The following RASGRP4 variants were observed in gnomAD, a reference collection of about 807,000 sequenced individuals.
RASGRP4 encodes RAS guanyl-releasing protein 4.
A neutral mutation model predicts 84.4 loss-of-function variants in RASGRP4; 52 were observed. The observed-to-expected ratio is 0.62, with a 90% CI of 0.49 to 0.78. The LOEUF (loss-of-function observed/expected upper bound fraction) is 0.78, where lower values mean the gene tolerates loss of function less well. Among genes scored for constraint, RASGRP4 ranks in the 30% least tolerant of loss-of-function variants. The pLI is 0.00. For missense variants in RASGRP4, 760 were observed against 886.9 expected, an observed-to-expected ratio of 0.86 and a Z score of 1.82; for synonymous variants, 356 against 359.1, an observed-to-expected ratio of 0.99 and a Z score of 0.10.
Position 38,418,581 on chromosome 19 carries a change from T to A in RASGRP4, c.664-17A>T. 1 of 1,495,860 alleles carries A rather than the reference T, an allele frequency of 6.7e-7. No individual in the cohort carries two copies. The highest frequency in any genetic ancestry group is 8.9e-7 in the Non-Finnish European group (1 of 1,120,398). The allele number at this position is 1,495,860 out of a possible 1,614,324, so 92.7% of individuals were successfully genotyped here. A position where few individuals can be genotyped will look rare whatever the true frequency, so the allele number is the denominator to read the frequency against. ...GTCCTGGGGCTGGGAGCGAGGTGGG[T>A]GTCAAGGTGGGCCGTGGCGCTCAGG... On this transcript the variant is annotated splice_polypyrimidine_tract_variant and intron_variant, in intron 6 of 16. Coordinates refer to ENST00000615439, the MANE Select transcript of RASGRP4 (RefSeq NM_170604.3). The surrounding 1 kb of genome is among the most constrained non-coding windows in gnomAD (Gnocchi z 4.6).
At chr19:38,424,412 G>A (rs886680116) in intron 1 of RASGRP4, among the ~76,000 whole-genome samples, 2 of 150,872 alleles carry the variant, frequency 1.3e-5, no homozygotes, top group African/African-American at 2.4e-5. Flanking sequence ...GAGCCATCAC[G>A]CCAGGCTCCC....
intron 1 of RASGRP4, among the ~76,000 whole-genome samples, chr19:38,424,802 T>C (rs1306150554): frequency 1.3e-5 from 2 of 151,930 alleles, no homozygotes; most frequent in Non-Finnish European, 2.9e-5. Flanking sequence ...AGCATTTCCC[T>C]AAGTGTGGGC....
intron 1 of RASGRP4, among the ~76,000 whole-genome samples, chr19:38,424,691 C>T (rs1396634634): frequency 6.6e-6 from 1 of 151,824 alleles, no homozygotes; most frequent in African/African-American, 2.4e-5. Context: ...TCTTATCCTC[C>T]CAAAGTGCTG....
Position 38,413,321 on chromosome 19 carries a change from A to T in RASGRP4, c.1312-24T>A. 1 of 1,606,980 alleles carries T rather than the reference A, an allele frequency of 6.2e-7. No homozygotes were observed. The highest frequency in any genetic ancestry group is 8.5e-7 in the Non-Finnish European group (1 of 1,174,006). Reference sequence around the variant, plus strand: ...GGCTGGGGCGGGGACAGAGGAGCACAGTTAGTCACTGCATAGGCTTAGGGG... The same window carrying T: ...GGCTGGGGCGGGGACAGAGGAGCACTGTTAGTCACTGCATAGGCTTAGGGG... On this transcript the variant is annotated intron_variant, in intron 10 of 16. Transcript: ENST00000615439. The surrounding 1 kb of genome is among the most constrained non-coding windows in gnomAD (Gnocchi z 4.7).
At position 38,410,931 on chromosome 19, in the gene RASGRP4, G is replaced by A. The variant is rs776475711; in HGVS notation, c.1920C>T (p.Ala640=). 7.5e-6 allele frequency: 12 copies of A among 1,605,316 alleles called. No individual in the cohort carries two copies. In the South Asian group the frequency reaches 1.2e-4, roughly 16 times the overall value. The change falls in exon 16 of 17, where the codon GCC becomes GCT. Residue 640 remains alanine (A), a synonymous_variant. Coordinates refer to ENST00000615439, the MANE Select transcript of RASGRP4 (RefSeq NM_170604.3). ...GGTGTGGGGATTCAGTCTGGGTCCA[G>A]GCATGGCGAAGCTGGCACCCAGTCT... ...EPETGCQLRH[A]WTQTESPHPS...
intron 8 of RASGRP4, among the ~76,000 whole-genome samples, chr19:38,415,601 C>T (rs1427293388): frequency 6.6e-6 from 1 of 151,662 alleles, no homozygotes; most frequent in African/African-American, 2.4e-5. Flanking sequence ...TCAAACTCCT[C>T]ACCTCAGGTG....
rs537638920 is a variant in RASGRP4 at position 38,425,196 on chromosome 19, CAA to C, written c.23+871_23+872del. Among the ~76,000 whole-genome samples the C allele has an allele frequency of 6.3e-3, 819 of 130,538 alleles. 10 individuals carry two copies. Among genetic ancestry groups the C allele is most frequent in the African/African-American group, 0.02 (731 of 36,682 alleles). 85.6% of individuals were successfully genotyped at this position (130,538 alleles called of 152,430 possible). A position where few individuals can be genotyped will look rare whatever the true frequency, so the allele number is the denominator to read the frequency against. On this transcript the variant is annotated intron_variant, in intron 1 of 16. Transcript: ENST00000615439. Reference sequence around the variant, plus strand: ...GAGACTCCGTCTCAAAAAAAAAAAACAAAAAAAAAAAAACCAAACACTTTAAA... The same window carrying C: ...GAGACTCCGTCTCAAAAAAAAAAAACAAAAAAAAAAACCAAACACTTTAAA...
chr19:38,423,514 A>T (rs1335849808), intron 1 of RASGRP4, among the ~76,000 whole-genome samples: 1 of 150,538 alleles, frequency 6.6e-6, no homozygotes, highest in African/African-American at 2.5e-5. Context: ...TGACAGAGTG[A>T]TTTCTGTTTC....
intron 8 of RASGRP4, among the ~76,000 whole-genome samples, chr19:38,416,034 G>A (rs1568410822): frequency 6.6e-6 from 1 of 151,612 alleles, no homozygotes; most frequent in Admixed American, 6.6e-5. Flanking sequence ...ACTCCAGCCT[G>A]GGAGATAGAG....
chr19:38,410,660 A>G (rs1039298489), intron 16 of RASGRP4, among the ~76,000 whole-genome samples: 2 of 151,700 alleles, frequency 1.3e-5, no homozygotes, highest in Admixed American at 6.6e-5. Context: ...TGATCCTCCC[A>G]CCTCAGCCTC....
At position 38,409,747 on chromosome 19, in the gene RASGRP4, A is replaced by G. The variant is rs1396665435; in HGVS notation, c.*293T>C. The stretch of plus-strand genomic sequence containing the variant: ...AGCAAGACTCTGTCTCAAAAAAAAA[A>G]AGAAATGGAGATGTAGGGAGTTGGT... On this transcript the variant is annotated 3_prime_UTR_variant, in exon 17 of 17. Coordinates refer to ENST00000615439, the MANE Select transcript of RASGRP4 (RefSeq NM_170604.3). 4.3e-6 allele frequency: 1 copy of G among 231,508 alleles called. No homozygotes were observed. The highest frequency in any genetic ancestry group is 8.4e-6 in the Non-Finnish European group (1 of 119,134). 14.3% of individuals were successfully genotyped at this position (231,508 alleles called of 1,614,324 possible). A position where few individuals can be genotyped will look rare whatever the true frequency, so the allele number is the denominator to read the frequency against.
In RASGRP4 at chr19:38,413,422, G is replaced by A; in HGVS notation, c.1283C>T (p.Ala428Val). The change falls in exon 10 of 17, where the codon GCC becomes GTC. Residue 428 changes from alanine to valine, a missense_variant. Ala to Val is a moderately conservative substitution (Grantham distance 64). Transcript: ENST00000615439. The surrounding 1 kb of genome is among the most constrained non-coding windows in gnomAD (Gnocchi z 4.7). Reference sequence around the variant, plus strand: ...GCTCTTGGGACAACGCGGCTCCCGGGCATAAGAAAGCTCATAGATCTCGTC... The same window carrying A: ...GCTCTTGGGACAACGCGGCTCCCGGACATAAGAAAGCTCATAGATCTCGTC... ...TEDEIYELSY[A>V]REPRCPKSLP... is the part of the protein sequence containing the mutation. The A allele has an allele frequency of 6.2e-7, 1 of 1,607,458 alleles. No homozygotes were observed.
rs763515377 is a variant in RASGRP4 at position 38,413,287 on chromosome 19, G to T, written c.1322C>A (p.Pro441His). Reference protein sequence around the residue: ...PRCPKSLPPSPFNAPLVVEWA... With the variant: ...PRCPKSLPPSHFNAPLVVEWA... ...CTCCACCACCAGAGGTGCATTGAAG[G>T]GGGAGGGTGGCTGGGGCGGGGACAG... The change falls in exon 11 of 17, where the codon CCC (proline) becomes CAC (histidine). Residue 441 changes from proline to histidine, a missense_variant. Transcript: ENST00000615439. This position sits in a 1 kb window ranked among gnomAD's most constrained non-coding sequence, Gnocchi z 4.7. The T allele has an allele frequency of 9.3e-6, 15 of 1,613,732 alleles. No homozygotes were observed. The highest frequency in any genetic ancestry group is 1.3e-5 in the African/African-American group (1 of 75,026).
In RASGRP4 at chr19:38,424,099, T is replaced by C. The variant is rs112959059; in HGVS notation, c.24-1946A>G. Among the ~76,000 whole-genome samples, 1,254 of 152,154 alleles carry C rather than the reference T, an allele frequency of 8.2e-3. 24 individuals carry two copies. The highest frequency in any genetic ancestry group is 0.027 in the African/African-American group (1,128 of 41,498). On this transcript the variant is annotated intron_variant, in intron 1 of 16. Coordinates refer to ENST00000615439, the MANE Select transcript of RASGRP4 (RefSeq NM_170604.3). ...AAATGAGGATAGTCCTTGGACCTTC[T>C]CCAGGGATTTCTTTTTTCTTTCTTT...
rs1971535672 is a variant in RASGRP4 at position 38,417,228 on chromosome 19, G to C, written c.838-60C>G. 9.2e-7 allele frequency: 1 copy of C among 1,085,712 alleles called. No homozygotes were observed. Among genetic ancestry groups the C allele is most frequent in the Admixed American group, 2.0e-5 (1 of 50,358 alleles). 67.3% of individuals were successfully genotyped at this position (1,085,712 alleles called of 1,614,324 possible). A position where few individuals can be genotyped will look rare whatever the true frequency, so the allele number is the denominator to read the frequency against. ...GGAGGGAGGGCAAGTCAGGAGTTCA[G>C]ATGACAGCATCCCAGTTGAGGTGGG... On this transcript the variant is annotated intron_variant, in intron 7 of 16. Transcript: ENST00000615439. This position sits in a 1 kb window ranked among gnomAD's most constrained non-coding sequence, Gnocchi z 5.1.
intron 1 of RASGRP4, among the ~76,000 whole-genome samples, chr19:38,425,628 C>T (rs551915944): frequency 2.2e-4 from 34 of 152,304 alleles, no homozygotes; most frequent in Non-Finnish European, 7.4e-5. Flanking sequence ...TAGGCCCTGT[C>T]CTGCAGCCCC....
rs754110448 is a variant in RASGRP4 at position 38,412,765 on chromosome 19, G to A, written c.1587C>T (p.Ser529=). 3.1e-6 allele frequency: 5 copies of A among 1,608,624 alleles called. No homozygotes were observed. The highest frequency in any genetic ancestry group is 1.1e-5 in the South Asian group (1 of 90,380). The change falls in exon 13 of 17, where the codon AGC becomes AGT. Residue 529 remains serine (S), a synonymous_variant. Transcript: ENST00000615439. The surrounding 1 kb of genome is among the most constrained non-coding windows in gnomAD (Gnocchi z 4.6). ...EELTGYLLRA[S]AICSKLGLAF... Reference sequence around the variant, plus strand: ...CCAGGCCCAACTTGGAGCAGATGGCGCTGGCCCGGAGCAGGTACCCTGTCA... The same window carrying A: ...CCAGGCCCAACTTGGAGCAGATGGCACTGGCCCGGAGCAGGTACCCTGTCA...
intron 4 of RASGRP4, among the ~76,000 whole-genome samples, chr19:38,420,562 G>C (rs1971699924): frequency 6.6e-6 from 1 of 151,618 alleles, no homozygotes; most frequent in South Asian, 2.1e-4. Context: ...GGGCTTCCGG[G>C]GGTGAAATTT....
intron 6 of RASGRP4, 134 bp downstream of exon 6, chr19:38,419,726 G>A: frequency 2.2e-6 from 2 of 925,668 alleles, no homozygotes; most frequent in Non-Finnish European, 3.2e-6. Context: ...TAGCATACAG[G>A]TTTGAGTTTA....
Sources: allele counts gnomAD v4.1 joint callset (sites outside exome capture counted in the v4.1 genomes callset), GRCh38; gene constraint gnomAD v4.1.1; non-coding constraint Gnocchi (gnomAD v3.1); transcripts MANE v1.5; gene names NCBI Gene and HGNC (gene_info 2026-07-23, HGNC 2026-07-21).